Variants in LARP1B observed in about 807,000 individuals in gnomAD.
LARP1B encodes the protein la-related protein 1B.
LARP1B carries 76 observed loss-of-function variants against 114.2 expected under a neutral mutation model. The ratio of observed to expected loss-of-function variants is 0.67; its 90% CI spans 0.55 to 0.81. The LOEUF (loss-of-function observed/expected upper bound fraction) is 0.81. Among genes scored for constraint, LARP1B ranks in the 30% least tolerant of loss-of-function variants. The pLI, the probability that LARP1B is intolerant of heterozygous loss-of-function variation, is 0.00. For synonymous variants in LARP1B, 345 were observed against 348.0 expected (o/e 0.99, Z 0.10); for missense variants, 1,014 against 1,075.8 (o/e 0.94, Z 0.80).
chr4:128,128,847 T>TG (rs1332848442), intron 11 of LARP1B, among the ~76,000 whole-genome samples: 2 of 152,092 alleles, frequency 1.3e-5, no homozygotes, highest in African/African-American at 2.4e-5. Context: ...AGGATCTATC[T>TG]GAGGATTACT....
intron 8 of LARP1B, among the ~76,000 whole-genome samples, chr4:128,105,748 C>G (rs971876832): frequency 2.0e-5 from 3 of 151,924 alleles, no homozygotes; most frequent in Admixed American, 6.6e-5. Flanking sequence ...AAAAATTAGC[C>G]GGGTGTGGTA....
At chr4:128,069,057 G>A (rs961082642) in intron 1 of LARP1B, 1 of 1,002,588 alleles carries the variant, frequency 1.0e-6, no homozygotes, top group Non-Finnish European at 1.5e-6. Context: ...CCTTCTCCAA[G>A]CTCCCTGGTG....
intron 5 of LARP1B, among the ~76,000 whole-genome samples, chr4:128,086,890 G>A (rs1773808209): frequency 1.3e-5 from 2 of 152,020 alleles, no homozygotes; most frequent in African/African-American, 4.8e-5. Context: ...CTTCCAAAGT[G>A]CTGGGATTAC....
intron 7 of LARP1B, among the ~76,000 whole-genome samples, chr4:128,095,489 C>CAAAAAA (rs11311661): frequency 1.6e-5 from 1 of 61,292 alleles, no homozygotes; most frequent in Non-Finnish European, 3.3e-5. Context: ...AACTCCATCT[C>CAAAAAA]AAAAAAAAAA....
chr4:128,122,713 T>A, intron 11 of LARP1B: 1 of 1,294,242 alleles, frequency 7.7e-7, no homozygotes, highest in East Asian at 2.8e-5. Flanking sequence ...AACTGGATGA[T>A]TATCTCTCTT....
intron 1 of LARP1B, among the ~76,000 whole-genome samples, chr4:128,068,615 G>A: frequency 6.6e-6 from 1 of 150,608 alleles, no homozygotes; most frequent in Non-Finnish European, 1.5e-5. Flanking sequence ...TCACTATATT[G>A]CCCAGGCCCA....
chr4:128,100,980 G>T (rs1473141583), intron 8 of LARP1B, among the ~76,000 whole-genome samples: 1 of 150,366 alleles, frequency 6.7e-6, no homozygotes, highest in Non-Finnish European at 1.5e-5. Flanking sequence ...ACCATGCCTG[G>T]CTAATTTTTG....
At chr4:128,098,887 C>T (rs1232196948) in intron 8 of LARP1B, among the ~76,000 whole-genome samples, 7 of 147,754 alleles carry the variant, frequency 4.7e-5, no homozygotes, top group Non-Finnish European at 1.0e-4. Flanking sequence ...AAGCGATTCT[C>T]CTGCCTCAGC....
intron 15 of LARP1B, among the ~76,000 whole-genome samples, chr4:128,192,963 T>A (rs1561540406): frequency 6.6e-6 from 1 of 152,132 alleles, no homozygotes; most frequent in Non-Finnish European, 1.5e-5. Flanking sequence ...CTCAAGTATC[T>A]GGGACTACAG....
intron 6 of LARP1B, among the ~76,000 whole-genome samples, chr4:128,219,803 A>G (rs958165487): frequency 2.8e-4 from 42 of 148,872 alleles, no homozygotes; most frequent in African/African-American, 1.1e-3. Context: ...AATAAAATAA[A>G]TAAATAAATA....
intron 5 of LARP1B, among the ~76,000 whole-genome samples, chr4:128,087,467 C>G (rs1774087472): frequency 6.6e-6 from 1 of 151,996 alleles, no homozygotes; most frequent in African/African-American, 2.4e-5. Flanking sequence ...TTATGAAAAA[C>G]TTTAAACATA....
chr4:128,185,274 C>T (rs1749925909), intron 15 of LARP1B, among the ~76,000 whole-genome samples: 1 of 152,136 alleles, frequency 6.6e-6, no homozygotes, highest in African/African-American at 2.4e-5. Context: ...AGTGGCTGTA[C>T]TAATTTACAT....
At position 128,114,762 on chromosome 4, in the gene LARP1B, G is replaced by A; in HGVS notation, c.1161+20G>A. On this transcript the variant is annotated intron_variant, in intron 10 of 19. Coordinates refer to ENST00000326639, the MANE Select transcript of LARP1B (RefSeq NM_018078.4). The stretch of plus-strand genomic sequence containing the variant: ...TTGAGGGTAAGTTGTTACAGACTGA[G>A]TGAAGTGTGACATACCCTGGGTGGA... 2 of 1,611,126 alleles carry A rather than the reference G, an allele frequency of 1.2e-6. No homozygotes were observed. Among genetic ancestry groups the A allele is most frequent in the Non-Finnish European group, 1.7e-6 (2 of 1,177,484 alleles).
chr4:128,177,516 T>TA (rs774948967), intron 13 of LARP1B, among the ~76,000 whole-genome samples: 4 of 151,502 alleles, frequency 2.6e-5, no homozygotes, highest in South Asian at 2.1e-4. Flanking sequence ...AATAACCGAA[T>TA]AAAAAAAACA....
chr4:128,179,205 A>G (rs1243830708), intron 14 of LARP1B: 2 of 408,846 alleles, frequency 4.9e-6, no homozygotes, highest in African/African-American at 2.1e-5. Context: ...TCTTTGTGTC[A>G]CAAACCTACC....
At chr4:128,080,447 TTATAG>T (rs144772356) in intron 4 of LARP1B, among the ~76,000 whole-genome samples, 2,752 of 152,278 alleles carry the variant, frequency 0.018, 85 homozygotes, top group African/African-American at 0.063. Context: ...TTGACATAAT[TTATAG>T]TATAAGATTA....
chr4:128,108,641 T>C, intron 9 of LARP1B: 2 of 985,324 alleles, frequency 2.0e-6, no homozygotes, highest in South Asian at 9.4e-5. Flanking sequence ...AAAGTGACAT[T>C]ATTTTAGCTA....
intron 5 of LARP1B, among the ~76,000 whole-genome samples, chr4:128,088,971 G>A (rs1414061907): frequency 6.6e-6 from 1 of 152,058 alleles, no homozygotes; most frequent in African/African-American, 2.4e-5. Context: ...TAAAAAAAAG[G>A]AAATGTTTGA....
At position 128,191,032 on chromosome 4, in the gene LARP1B, T is replaced by C. The variant is rs75911720; in HGVS notation, c.2004-8407T>C. On this transcript the variant is annotated intron_variant, in intron 15 of 19. Transcript: ENST00000326639. ...TCTGACTGTATTTTCCAATAGGCTG[T>C]ATTTGAGCTCACTGATTGTTTCTTG... 5.4e-3 allele frequency among the ~76,000 whole-genome samples: 830 copies of C among 152,304 alleles called. 9 individuals are homozygous for C. Among genetic ancestry groups the C allele is most frequent in the African/African-American group, 0.019 (790 of 41,564 alleles).
Sources: allele counts gnomAD v4.1 joint callset (sites outside exome capture counted in the v4.1 genomes callset), GRCh38; gene constraint gnomAD v4.1.1; transcripts MANE v1.5; gene names NCBI Gene and HGNC (gene_info 2026-07-23, HGNC 2026-07-21).